CTNND2: variants seen among roughly 807,000 people sequenced by gnomAD.
The protein encoded by CTNND2 is catenin delta 2, also known as catenin delta-2.
CTNND2 carries 22 observed loss-of-function variants against 144.4 expected under a neutral mutation model. That is an observed-to-expected ratio of 0.15 (90% CI 0.11 to 0.22). The LOEUF is 0.22. Among genes scored for constraint, CTNND2 ranks in the 10% least tolerant of loss-of-function variants. The probability of loss-of-function intolerance (pLI) is 1.00; values close to 1 mark genes in which losing one functional copy is unlikely to be tolerated. For missense variants in CTNND2, 1,353 were observed against 1,618.8 expected (o/e 0.84, Z 2.82); for synonymous variants, 751 against 695.6 (o/e 1.08, Z -1.25).
intron 2 of CTNND2, among the ~76,000 whole-genome samples, chr5:11,651,033 C>G (rs1782621767): frequency 6.6e-6 from 1 of 152,146 alleles, no homozygotes. Context: ...ATGTTAATAG[C>G]CAAAACAATG....
intron 2 of CTNND2, among the ~76,000 whole-genome samples, chr5:11,600,233 T>G (rs953789856): frequency 3.3e-5 from 5 of 152,144 alleles, no homozygotes; most frequent in Non-Finnish European, 7.4e-5. Flanking sequence ...TTTTGTCAAG[T>G]ATGGGAAAAA....
At chr5:11,324,565 C>T (rs116399726) in intron 9 of CTNND2, among the ~76,000 whole-genome samples, 4,918 of 152,264 alleles carry the variant, frequency 0.032, 277 homozygotes, top group African/African-American at 0.11. Flanking sequence ...GAGACTATTT[C>T]CCTTGGCTTC....
rs542206940 is a variant in CTNND2 at position 11,005,461 on chromosome 5, A to G, written c.3084+12513T>C. Among the ~76,000 whole-genome samples, 9 of 152,340 alleles carry G rather than the reference A, an allele frequency of 5.9e-5. No individual in the cohort carries two copies. In the South Asian group the frequency reaches 1.7e-3, roughly 28 times the overall value. On this transcript the variant is annotated intron_variant, in intron 18 of 21. Transcript: ENST00000304623. ...TGGTAACGTTGATTCCAGAAAACCA[A>G]TTAGGCAGTAATATTGTACCAGGAC... is the stretch of plus-strand genomic sequence containing the variant.
chr5:11,205,169 T>C (rs1336277395), intron 10 of CTNND2, among the ~76,000 whole-genome samples: 1 of 152,080 alleles, frequency 6.6e-6, no homozygotes, highest in Admixed American at 6.5e-5. Context: ...TGCAAGACTA[T>C]CGCTACATAC....
chr5:11,744,670 T>G (rs1461636379), intron 1 of CTNND2, among the ~76,000 whole-genome samples: 1 of 29,606 alleles, frequency 3.4e-5, no homozygotes, highest in Non-Finnish European at 8.2e-5. Context: ...TGAAGAGGAG[T>G]GTGTGTGTGT....
chr5:11,662,441 A>C (rs1783321761), intron 2 of CTNND2, among the ~76,000 whole-genome samples: 1 of 151,820 alleles, frequency 6.6e-6, no homozygotes, highest in Admixed American at 6.6e-5. Flanking sequence ...TGAGGGCAGG[A>C]AGTATCCAGC....
In CTNND2 at chr5:11,258,652, T is replaced by C. The variant is rs1580729975; in HGVS notation, c.1629-21829A>G. ...GCGTTTTTTTCAATGTGGCAGGTTA[T>C]GAAAAACACTCATGAGCAGTTTCTT... On this transcript the variant is annotated intron_variant, in intron 9 of 21. Coordinates refer to ENST00000304623, the MANE Select transcript of CTNND2 (RefSeq NM_001332.4). 2.0e-5 allele frequency among the ~76,000 whole-genome samples: 3 copies of C among 152,200 alleles called. No individual in the cohort carries two copies. In the South Asian group the frequency reaches 6.2e-4, roughly 31 times the overall value.
chr5:11,565,130 C>T lies in CTNND2; in HGVS notation c.175-74G>A, dbSNP rs142338238. On this transcript the variant is annotated intron_variant, in intron 2 of 21. Transcript: ENST00000304623. ...TGAAATTCAGACCAAAATAATAGGA[C>T]GGCTGAGGGAGAAAAATATGATTTT... 144 of 919,238 alleles carry T rather than the reference C, an allele frequency of 1.6e-4. 1 individual carries two copies. Among genetic ancestry groups the T allele is most frequent in the African/African-American group, 1.4e-3 (87 of 60,698 alleles). The allele number at this position is 919,238 out of a possible 1,614,324, so 56.9% of individuals were successfully genotyped here. A position where few individuals can be genotyped will look rare whatever the true frequency, so the allele number is the denominator to read the frequency against.
intron 1 of CTNND2, among the ~76,000 whole-genome samples, chr5:11,738,221 T>C (rs1446776636): frequency 1.3e-5 from 2 of 152,168 alleles, no homozygotes; most frequent in African/African-American, 4.8e-5. Flanking sequence ...TGTACCCCAT[T>C]GTATGAAATA....
At chr5:11,139,215 C>G (rs1561369737) in intron 12 of CTNND2, among the ~76,000 whole-genome samples, 1 of 152,166 alleles carries the variant, frequency 6.6e-6, no homozygotes, top group South Asian at 2.1e-4. Flanking sequence ...CTCACCTCGG[C>G]CTCCCAAAGT....
intron 2 of CTNND2, among the ~76,000 whole-genome samples, chr5:11,636,507 G>A (rs1781710625): frequency 6.6e-6 from 1 of 152,118 alleles, no homozygotes; most frequent in Non-Finnish European, 1.5e-5. Context: ...CATCCAAACG[G>A]CTAATATACA....
intron 9 of CTNND2, among the ~76,000 whole-genome samples, chr5:11,295,259 C>T (rs10474917): frequency 2.0e-5 from 3 of 152,104 alleles, no homozygotes; most frequent in East Asian, 3.9e-4. Flanking sequence ...AAAATACCTA[C>T]GAATCCACCT....
chr5:11,224,220 T>C (rs1740092080), intron 10 of CTNND2, among the ~76,000 whole-genome samples: 2 of 152,200 alleles, frequency 1.3e-5, no homozygotes, highest in African/African-American at 4.8e-5. Context: ...TCATGGTCCT[T>C]TCCACTCAAA....
At chr5:11,244,280 A>AT (rs11322159) in intron 9 of CTNND2, among the ~76,000 whole-genome samples, 7,177 of 104,056 alleles carry the variant, frequency 0.069, 321 homozygotes, top group African/African-American at 0.1. Flanking sequence ...GTCCTATACA[A>AT]TTTTTTTTTT....
At chr5:11,275,018 T>A (rs1343596177) in intron 9 of CTNND2, among the ~76,000 whole-genome samples, 1 of 151,890 alleles carries the variant, frequency 6.6e-6, no homozygotes, top group African/African-American at 2.4e-5. Flanking sequence ...GGGTATAGAG[T>A]TGGTAGGAAG....
intron 2 of CTNND2, among the ~76,000 whole-genome samples, chr5:11,589,310 CACG>C (rs1160809820): frequency 6.6e-6 from 1 of 150,712 alleles, no homozygotes; most frequent in African/African-American, 2.5e-5. Flanking sequence ...CACACACACA[CACG>C]ACAACAACAA....
At chr5:11,095,234 A>C (rs1481428294) in intron 15 of CTNND2, among the ~76,000 whole-genome samples, 1 of 152,214 alleles carries the variant, frequency 6.6e-6, no homozygotes, top group African/African-American at 2.4e-5. Context: ...CGGAAATCTC[A>C]GCACAGTAGG....
intron 8 of CTNND2, among the ~76,000 whole-genome samples, chr5:11,356,922 A>T (rs976260006): frequency 6.6e-6 from 1 of 151,780 alleles, no homozygotes; most frequent in Non-Finnish European, 1.5e-5. Flanking sequence ...ACAGGTATAT[A>T]AAAAAAATGC....
chr5:11,861,078 C>A (rs1795482085), intron 1 of CTNND2, among the ~76,000 whole-genome samples: 1 of 152,154 alleles, frequency 6.6e-6, no homozygotes, highest in South Asian at 2.1e-4. Flanking sequence ...CAGAAAACAA[C>A]CTCTCCCACA....
Sources: allele counts gnomAD v4.1 joint callset (sites outside exome capture counted in the v4.1 genomes callset), GRCh38; gene constraint gnomAD v4.1.1; transcripts MANE v1.5; gene names NCBI Gene and HGNC (gene_info 2026-07-23, HGNC 2026-07-21).